Variants in PPM1J observed in about 807,000 individuals in gnomAD.
PPM1J encodes the protein protein phosphatase 1J.
PPM1J carries 43 observed loss-of-function variants against 53.3 expected under a neutral mutation model. The observed-to-expected ratio is 0.81, with a 90% CI of 0.63 to 1.04. The LOEUF (loss-of-function observed/expected upper bound fraction) is 1.04. Among genes scored for constraint, PPM1J ranks in the 50% least tolerant of loss-of-function variants. The probability of loss-of-function intolerance (pLI) is 0.00; values close to 1 mark genes in which losing one functional copy is unlikely to be tolerated. For missense variants in PPM1J, 635 were observed against 685.9 expected (o/e 0.93, Z 0.83); for synonymous variants, 267 against 286.4 (o/e 0.93, Z 0.68).
rs572009630 is a variant in PPM1J at position 112,713,980 on chromosome 1, C to T, written c.327-369G>A. ...AAGTTTTACTTCCCTGCTAGCTAGACCCTACATCCCACCCTCAACCACTAT... is the reference window on the plus strand; with the variant it reads ...AAGTTTTACTTCCCTGCTAGCTAGATCCTACATCCCACCCTCAACCACTAT... On this transcript the variant is annotated intron_variant, in intron 1 of 9. Transcript: ENST00000309276. 7.4e-4 allele frequency: 798 copies of T among 1,071,230 alleles called. 11 individuals carry two copies. Among genetic ancestry groups the T allele is most frequent in the East Asian group, 2.5e-3 (46 of 18,080 alleles). The allele number at this position is 1,071,230 out of a possible 1,614,324, so 66.4% of individuals were successfully genotyped here. A position where few individuals can be genotyped will look rare whatever the true frequency, so the allele number is the denominator to read the frequency against.
At chr1:112,712,713 A>G in intron 3 of PPM1J, 31 bp downstream of exon 3, 1 of 1,579,432 alleles carries the variant, frequency 6.3e-7, no homozygotes, top group Non-Finnish European at 8.6e-7. Context: ...GTGGTTGCCT[A>G]GCAGGCTCTT....
rs1306375641 is a variant in PPM1J, at chr1:112,711,268, G to A, written c.1044C>T (p.Gly348=). ...RMLYRDQNMT[G]WAYKKIELED... ...CCCAGCTCTGAGGGAAGTGTTACCA[G>A]CCGGTCATGTTCTGGTCCCGGTACA... Residue 348 remains glycine (G), a splice_region_variant and synonymous_variant, in exon 6 of 10, where the codon GGC becomes GGT. Coordinates refer to ENST00000309276, the MANE Select transcript of PPM1J (RefSeq NM_005167.7). 3 of 1,606,068 alleles carry A rather than the reference G, an allele frequency of 1.9e-6. No homozygotes were observed. Among genetic ancestry groups the A allele is most frequent in the Non-Finnish European group, 1.7e-6 (2 of 1,174,018 alleles).
chr1:112,711,435 G>C (rs1428993914), intron 5 of PPM1J, 51 bp from the exon 6 acceptor site: 4 of 1,017,420 alleles, frequency 3.9e-6, no homozygotes, highest in Non-Finnish European at 6.0e-6. Context: ...TATGCTCACA[G>C]CACACGGTGG....
Position 112,711,311 on chromosome 1 carries a change from T to G in PPM1J, c.1001A>C (p.Glu334Ala). ...LEFPRRVLPKELGQRMLYRDQ... is the reference protein window; with the variant it reads ...LEFPRRVLPKALGQRMLYRDQ... The stretch of plus-strand genomic sequence containing the variant: ...CCGGTACAACATCCTCTGCCCCAGC[T>G]CCTTGGGCAGAACTCTGCGGGGGAA... Residue 334 changes from glutamate (E) to alanine (A), a missense_variant, in exon 6 of 10, where the codon GAG (glutamate) becomes GCG (alanine). Physicochemically the swap from Glu to Ala is moderately radical, Grantham distance 107 (BLOSUM62 -1). Transcript: ENST00000309276. 1 of 1,608,024 alleles carries G rather than the reference T, an allele frequency of 6.2e-7. No homozygotes were observed. Among genetic ancestry groups the G allele is most frequent in the Non-Finnish European group, 8.5e-7 (1 of 1,176,964 alleles).
In PPM1J at chr1:112,715,290, C is replaced by G; in HGVS notation, c.12G>C (p.Arg4=). 2 of 1,310,812 alleles carry G rather than the reference C, an allele frequency of 1.5e-6. No homozygotes were observed. The highest frequency in any genetic ancestry group is 1.9e-6 in the Non-Finnish European group (2 of 1,032,906). The allele number at this position is 1,310,812 out of a possible 1,614,324, so 81.2% of individuals were successfully genotyped here. A position where few individuals can be genotyped will look rare whatever the true frequency, so the allele number is the denominator to read the frequency against. Residue 4 remains arginine, a synonymous_variant, in exon 1 of 10, where the codon CGG becomes CGC. Transcript: ENST00000309276. This position sits in a 1 kb window ranked among gnomAD's most constrained non-coding sequence, Gnocchi z 4.4. MLN[R]VRSAVAHLVS... ...CCAGGTGCGCCACGGCCGAGCGCAC[C>G]CGGTTTAGCATGCTGCCTCCCTGCC...
chr1:112,710,401 C>T, intron 9 of PPM1J, 59 bp downstream of exon 9: 1 of 1,610,780 alleles, frequency 6.2e-7, no homozygotes, highest in African/African-American at 1.3e-5. Context: ...AGCATTGCTT[C>T]CCTTTGACCC....
intron 2 of PPM1J, 145 bp from the exon 3 acceptor site, chr1:112,713,176 G>A: frequency 1.2e-6 from 1 of 803,802 alleles, no homozygotes; most frequent in Admixed American, 2.9e-5. Context: ...AGGCAAATTA[G>A]GTTTATTCAC....
chr1:112,712,143 T>C (rs1472833608), intron 4 of PPM1J, 88 bp from the exon 5 acceptor site: 6 of 1,178,880 alleles, frequency 5.1e-6, no homozygotes, highest in Admixed American at 2.3e-5. Context: ...CTCTCCATAA[T>C]GACCTTTCAG....
At chr1:112,712,153 G>A (rs936819162) in intron 4 of PPM1J, 98 bp from the exon 5 acceptor site, 66 of 1,107,646 alleles carry the variant, frequency 6.0e-5, no homozygotes, top group Non-Finnish European at 8.2e-5. Flanking sequence ...TGACCTTTCA[G>A]ATCTCTTACC....
rs771676426 is a variant in PPM1J at position 112,710,520 on chromosome 1, C to T, written c.1310G>A (p.Cys437Tyr). 4 of 1,614,206 alleles carry T rather than the reference C, an allele frequency of 2.5e-6. 1 individual carries two copies. The South Asian group carries it at 4.4e-5, about 18-fold the overall frequency. Residue 437 changes from cysteine (C) to tyrosine (Y), a missense_variant, in exon 9 of 10, where the codon TGT becomes TAT. Coordinates refer to ENST00000309276, the MANE Select transcript of PPM1J (RefSeq NM_005167.7). Reference protein sequence around the residue: ...TDGLWDVTTDCEVAATVDRVL... With the variant: ...TDGLWDVTTDYEVAATVDRVL... ...CCTGTCCACAGTGGCAGCTACCTCA[C>T]AGTCAGTAGTGACATCCCACAGGCC...
Position 112,715,238 on chromosome 1 carries a change from G to A in PPM1J, c.64C>T (p.Arg22Cys). The A allele has an allele frequency of 7.2e-7, 1 of 1,383,222 alleles. No individual in the cohort carries two copies. Among genetic ancestry groups the A allele is most frequent in the Non-Finnish European group, 9.3e-7 (1 of 1,078,672 alleles). 85.7% of individuals were successfully genotyped at this position (1,383,222 alleles called of 1,614,324 possible). ...TTGGGCAGGTCCGGGGATTTGGGGCGCGGAGGCGGAGCGCCCCCGGAGCTC... is the reference window on the plus strand; with the variant it reads ...TTGGGCAGGTCCGGGGATTTGGGGCACGGAGGCGGAGCGCCCCCGGAGCTC... ...LVSSGGAPPP[R>C]PKSPDLPNAA... The change falls in exon 1 of 10, where the codon CGC (arginine) becomes TGC (cysteine). Residue 22 changes from arginine (R) to cysteine (C), a missense_variant. By Grantham distance (180) the Arg-to-Cys change is radical. Transcript: ENST00000309276. The surrounding 1 kb of genome is among the most constrained non-coding windows in gnomAD (Gnocchi z 4.4).
At chr1:112,713,063 T>TG (rs779395583) in intron 2 of PPM1J, 32 bp from the exon 3 acceptor site, 204 of 1,513,452 alleles carry the variant, frequency 1.3e-4, no homozygotes, top group South Asian at 3.1e-4. Flanking sequence ...GTGAGTTTTG[T>TG]TTGTGTGTGT....
At position 112,713,626 on chromosome 1, in the gene PPM1J, T is replaced by C. The variant is rs755052049; in HGVS notation, c.327-15A>G. On this transcript the variant is annotated splice_polypyrimidine_tract_variant and intron_variant, in intron 1 of 9. Transcript: ENST00000309276. ...CATTGATGACCCTGCCAGGCCAGAA[T>C]GACCACATCAGGTTGGACACCAGAC... 2.5e-6 allele frequency: 4 copies of C among 1,601,476 alleles called. No individual in the cohort carries two copies. The highest frequency in any genetic ancestry group is 2.2e-5 in the South Asian group (2 of 90,850).
At chr1:112,713,714 A>G in intron 1 of PPM1J, 103 bp from the exon 2 acceptor site, 1 of 971,638 alleles carries the variant, frequency 1.0e-6, no homozygotes. Flanking sequence ...GGCCAAGCTG[A>G]GAAAGGTCAC....
Position 112,710,290 on chromosome 1 carries a change from G to A in PPM1J, c.1391C>T (p.Ala464Val). 1 of 1,610,698 alleles carries A rather than the reference G, an allele frequency of 6.2e-7. No homozygotes were observed. Among genetic ancestry groups the A allele is most frequent in the Non-Finnish European group, 8.5e-7 (1 of 1,179,082 alleles). The stretch of plus-strand genomic sequence containing the variant: ...GGTACCCCGGGCCCCCAGGACCAGA[G>A]CTTGGGCCAGAGCTGTATACCTGCC... ...DHSRYTALAQ[A>V]LVLGARGTPR... The change falls in exon 10 of 10, where the codon GCT (alanine) becomes GTT (valine). Residue 464 changes from alanine (A) to valine (V), a missense_variant. Coordinates refer to ENST00000309276, the MANE Select transcript of PPM1J (RefSeq NM_005167.7).
chr1:112,710,393 C>T, intron 9 of PPM1J, 67 bp downstream of exon 9: 1 of 1,611,080 alleles, frequency 6.2e-7, no homozygotes, highest in South Asian at 1.1e-5. Context: ...GGGTCCCAAG[C>T]ATTGCTTCCC....
rs983011896 is a variant in PPM1J, at chr1:112,710,103, A to C, written c.*60T>G. ...GAAGGGTCAGGGAGACAACTTCAGAATTTGGGCTGTGAGAGGAGTAAGTAT... is the reference window on the plus strand; with the variant it reads ...GAAGGGTCAGGGAGACAACTTCAGACTTTGGGCTGTGAGAGGAGTAAGTAT... On this transcript the variant is annotated 3_prime_UTR_variant, in exon 10 of 10. Transcript: ENST00000309276. 1 of 1,494,228 alleles carries C rather than the reference A, an allele frequency of 6.7e-7. No individual in the cohort carries two copies. The highest frequency in any genetic ancestry group is 1.4e-5 in the African/African-American group (1 of 71,026). 92.6% of individuals were successfully genotyped at this position (1,494,228 alleles called of 1,614,324 possible). A position where few individuals can be genotyped will look rare whatever the true frequency, so the allele number is the denominator to read the frequency against.
Position 112,713,051 on chromosome 1 carries a change from A to C in PPM1J, c.442-20T>G, listed in dbSNP as rs768619824. 4 of 1,528,794 alleles carry C rather than the reference A, an allele frequency of 2.6e-6. No individual in the cohort carries two copies. The highest frequency in any genetic ancestry group is 3.5e-6 in the Non-Finnish European group (4 of 1,134,284). 94.7% of individuals were successfully genotyped at this position (1,528,794 alleles called of 1,614,324 possible). A position where few individuals can be genotyped will look rare whatever the true frequency, so the allele number is the denominator to read the frequency against. ...GAGTCCCTGGTGGAGGAAAAGTTGG[A>C]GGTGAGTTTTGTTTGTGTGTGTGTG... On this transcript the variant is annotated intron_variant, in intron 2 of 9. Transcript: ENST00000309276.
intron 1 of PPM1J, chr1:112,714,589 T>TC: frequency 9.7e-7 from 1 of 1,029,414 alleles, no homozygotes; most frequent in Non-Finnish European, 1.2e-6. Flanking sequence ...AACCGCTATG[T>TC]CCCCTATTAA....
Sources: gnomAD v4.1 joint callset for allele counts on GRCh38, gnomAD v4.1.1 for gene constraint, Gnocchi (gnomAD v3.1) non-coding constraint, MANE v1.5 for transcripts, NCBI Gene and HGNC (gene_info 2026-07-23, HGNC 2026-07-21) for gene names.